The following TMEM232 variants were observed in gnomAD, a reference collection of about 807,000 sequenced individuals.
TMEM232 encodes the protein transmembrane protein 232.
TMEM232 carries 80 observed loss-of-function variants against 78.8 expected under a neutral mutation model. The observed-to-expected ratio is 1.01, with a 90% CI of 0.85 to 1.22. The LOEUF is 1.22. Ranked by LOEUF, TMEM232 falls within the 50% of genes most tolerant of loss-of-function variation. TMEM232 has a pLI of 0.00. For synonymous variants in TMEM232, 297 were observed against 254.3 expected, an observed-to-expected ratio of 1.17 and a Z score of -1.60; for missense variants, 881 against 742.2, an observed-to-expected ratio of 1.19 and a Z score of -2.17.
chr5:110,406,414 C>A (rs1402084270), intron 2 of TMEM232, among the ~76,000 whole-genome samples: 2 of 151,670 alleles, frequency 1.3e-5, no homozygotes, highest in Non-Finnish European at 2.9e-5. Flanking sequence ...AGATTAGAGT[C>A]CAGATATACC....
At position 110,396,002 on chromosome 5, in the gene TMEM232, A is replaced by C. The variant is rs539718177; in HGVS notation, n.390+1771T>G. Among the ~76,000 whole-genome samples, 203 of 152,256 alleles carry C rather than the reference A, an allele frequency of 1.3e-3. 1 individual carries two copies. Among genetic ancestry groups the C allele is most frequent in the Non-Finnish European group, 2.6e-3 (174 of 68,008 alleles). On this transcript the variant is annotated intron_variant and non_coding_transcript_variant, in intron 3 of 8. Coordinates refer to the TMEM232 transcript ENST00000507188. ...TCATACAAGCACTGTGTATTAGTCC[A>C]TTTTCATAGTGCTATAAAGAATACC...
intron 8 of TMEM232, among the ~76,000 whole-genome samples, chr5:110,614,929 T>C (rs1448240252): frequency 6.6e-6 from 1 of 152,010 alleles, no homozygotes; most frequent in Non-Finnish European, 1.5e-5. Flanking sequence ...AGTAAAATTA[T>C]ATTAAGTGCT....
chr5:110,410,078 C>T (rs1202358024), intron 2 of TMEM232, among the ~76,000 whole-genome samples: 4 of 152,086 alleles, frequency 2.6e-5, no homozygotes, highest in African/African-American at 9.7e-5. Flanking sequence ...AAAATGCTTG[C>T]GCATTACACC....
intron 12 of TMEM232, among the ~76,000 whole-genome samples, chr5:110,437,582 A>C (rs1012478990): frequency 6.6e-6 from 1 of 152,016 alleles, no homozygotes; most frequent in African/African-American, 2.4e-5. Flanking sequence ...TAGTTTTATT[A>C]TATTATTATC....
intron 3 of TMEM232, 22 bp downstream of exon 3, chr5:110,642,238 C>A (rs1343413978): frequency 4.2e-6 from 6 of 1,438,458 alleles, no homozygotes; most frequent in Non-Finnish European, 5.6e-6. Flanking sequence ...ACATGCTCAA[C>A]AATCAAATGA....
chr5:110,728,747 T>C (rs1170685814), upstream of TMEM232, among the ~76,000 whole-genome samples: 2 of 150,646 alleles, frequency 1.3e-5, no homozygotes, highest in Admixed American at 6.6e-5. Flanking sequence ...GGCCATTAAT[T>C]AGCAATTAGG....
intron 2 of TMEM232, among the ~76,000 whole-genome samples, chr5:110,661,501 C>T (rs1304714437): frequency 6.6e-5 from 10 of 152,002 alleles, no homozygotes; most frequent in East Asian, 3.9e-4. Context: ...TTTGTAGAGG[C>T]GGGTTTTGCC....
At position 110,692,663 on chromosome 5, in the gene TMEM232, T is replaced by G. The variant is rs370836501; in HGVS notation, c.-12-25299A>C. Among the ~76,000 whole-genome samples the G allele has an allele frequency of 3.3e-5, 5 of 152,306 alleles. No homozygotes were observed. The East Asian group carries it at 5.8e-4, about 18-fold the overall frequency. On this transcript the variant is annotated intron_variant, in intron 1 of 13. Coordinates refer to ENST00000455884, the MANE Select transcript of TMEM232 (RefSeq NM_001039763.4). ...ACACCAGGAGATTATATCTCACACC[T>G]GGCGCAGAGGGTCTTACACCCATGG...
At chr5:110,630,812 G>C (rs1194407359) in intron 5 of TMEM232, among the ~76,000 whole-genome samples, 1 of 152,166 alleles carries the variant, frequency 6.6e-6, no homozygotes, top group Non-Finnish European at 1.5e-5. Context: ...GCTATTGGGG[G>C]AAAGTGTGTA....
intron 1 of TMEM232, among the ~76,000 whole-genome samples, chr5:110,713,427 G>A (rs1796699224): frequency 6.6e-6 from 1 of 151,970 alleles, no homozygotes; most frequent in Non-Finnish European, 1.5e-5. Flanking sequence ...ATAACTCAAA[G>A]TATAAATGCT....
At chr5:110,715,452 T>A (rs1293684580) in intron 1 of TMEM232, among the ~76,000 whole-genome samples, 1 of 152,150 alleles carries the variant, frequency 6.6e-6, no homozygotes, top group Non-Finnish European at 1.5e-5. Context: ...ACAGAATTGG[T>A]CATGAAGAAC....
chr5:110,729,591 G>A (rs138671912), upstream of TMEM232, among the ~76,000 whole-genome samples: 1 of 152,206 alleles, frequency 6.6e-6, no homozygotes. Flanking sequence ...GTTGGAATAT[G>A]ACAGAAGTTT....
At chr5:110,428,468 A>T (rs1757482430) in intron 12 of TMEM232, among the ~76,000 whole-genome samples, 1 of 151,700 alleles carries the variant, frequency 6.6e-6, no homozygotes, top group Non-Finnish European at 1.5e-5. Flanking sequence ...TTTGAAAGAT[A>T]TCCTCAAGGA....
In TMEM232 at chr5:110,642,304, C is replaced by G. The variant is rs761848904; in HGVS notation, c.193G>C (p.Glu65Gln). The G allele has an allele frequency of 6.5e-7, 1 of 1,539,404 alleles. No homozygotes were observed. Among genetic ancestry groups the G allele is most frequent in the South Asian group, 1.2e-5 (1 of 81,440 alleles). ...FNQTQNSKEKEELLELARKII... is the reference protein window; with the variant it reads ...FNQTQNSKEKQELLELARKII... ...TTTCTAGCTAGTTCCAACAATTCTT[C>G]CTTCTCTTTGGAATTTTGTGTTTGA... Residue 65 changes from glutamate (E) to glutamine (Q), a missense_variant, in exon 3 of 14, where the codon GAA becomes CAA. Coordinates refer to ENST00000455884, the MANE Select transcript of TMEM232 (RefSeq NM_001039763.4).
At chr5:110,546,316 T>C (rs1037135630) in intron 11 of TMEM232, among the ~76,000 whole-genome samples, 3 of 152,120 alleles carry the variant, frequency 2.0e-5, no homozygotes, top group African/African-American at 7.2e-5. Flanking sequence ...TTTACCACTG[T>C]TGTAGATAAA....
upstream of TMEM232, among the ~76,000 whole-genome samples, chr5:110,728,192 T>TTTA (rs1320230814): frequency 1.3e-5 from 2 of 151,844 alleles, no homozygotes; most frequent in Non-Finnish European, 2.9e-5. Flanking sequence ...ACAGAACAAG[T>TTTA]TTATATAAGG....
At chr5:110,682,933 G>A (rs1043314607) in intron 1 of TMEM232, among the ~76,000 whole-genome samples, 1 of 152,140 alleles carries the variant, frequency 6.6e-6, no homozygotes, top group African/African-American at 2.4e-5. Flanking sequence ...TGGTGGGTAA[G>A]TGTGCAATGC....
intron 12 of TMEM232, among the ~76,000 whole-genome samples, chr5:110,506,320 G>A (rs10044330): frequency 0.024 from 3,714 of 152,046 alleles, 76 homozygotes; most frequent in South Asian, 0.032. Context: ...TTCCTCAGAT[G>A]GTTAAATCTA....
intron 10 of TMEM232, among the ~76,000 whole-genome samples, chr5:110,585,377 A>T (rs566696306): frequency 2.1e-4 from 32 of 152,238 alleles, no homozygotes; most frequent in African/African-American, 7.0e-4. Flanking sequence ...GAAGATGATG[A>T]AGTAAATTTA....
Sources: gnomAD v4.1 joint callset for allele counts (sites outside exome capture counted in the v4.1 genomes callset) on GRCh38, gnomAD v4.1.1 for gene constraint, MANE v1.5 for transcripts, NCBI Gene and HGNC (gene_info 2026-07-23, HGNC 2026-07-21) for gene names.